The following DACT3 variants were observed in gnomAD, a reference collection of about 807,000 sequenced individuals.
DACT3 encodes dapper homolog 3.
In DACT3, 5 loss-of-function variants were observed where a neutral mutation model predicts 19.6. The ratio of observed to expected loss-of-function variants is 0.26; its 90% CI spans 0.13 to 0.54. The LOEUF (loss-of-function observed/expected upper bound fraction) is 0.54. Among genes scored for constraint, DACT3 ranks in the 20% least tolerant of loss-of-function variants. The pLI, the probability that DACT3 is intolerant of heterozygous loss-of-function variation, is 0.95. For missense variants in DACT3, 908 were observed against 927.4 expected (o/e 0.98, Z 0.27); for synonymous variants, 454 against 428.1 (o/e 1.06, Z -0.75).
In DACT3 at chr19:46,648,335, C is replaced by T; in HGVS notation, c.*147G>A. 2 of 1,401,290 alleles carry T rather than the reference C, an allele frequency of 1.4e-6. No homozygotes were observed. The highest frequency in any genetic ancestry group is 4.6e-5 in the East Asian group (2 of 43,412). 86.8% of individuals were successfully genotyped at this position (1,401,290 alleles called of 1,614,324 possible). The stretch of plus-strand genomic sequence containing the variant: ...GGTGGTGGTGGGGGAGCCTTTTCAA[C>T]CAAGACTGTTAGGAGTGGGGAGAGT... On this transcript the variant is annotated 3_prime_UTR_variant, in exon 4 of 4. Coordinates refer to ENST00000391916, the MANE Select transcript of DACT3 (RefSeq NM_145056.3). This position sits in a 1 kb window ranked among gnomAD's most constrained non-coding sequence, Gnocchi z 5.1.
chr19:46,660,439 T>G lies in DACT3; in HGVS notation c.249+377A>C. 1 of 195,392 alleles carries G rather than the reference T, an allele frequency of 5.1e-6. No homozygotes were observed. The highest frequency in any genetic ancestry group is 1.0e-5 in the Non-Finnish European group (1 of 95,866). The allele number at this position is 195,392 out of a possible 1,614,324, so 12.1% of individuals were successfully genotyped here. A position where few individuals can be genotyped will look rare whatever the true frequency, so the allele number is the denominator to read the frequency against. On this transcript the variant is annotated intron_variant, in intron 1 of 3. Coordinates refer to ENST00000391916, the MANE Select transcript of DACT3 (RefSeq NM_145056.3). The surrounding 1 kb of genome is among the most constrained non-coding windows in gnomAD (Gnocchi z 4.9). Reference sequence around the variant, plus strand: ...TCGCTTGCTCTCTCTGAGCCTCAATTTGTTTCTCTGTTAAATGGGGACTAT... The same window carrying G: ...TCGCTTGCTCTCTCTGAGCCTCAATGTGTTTCTCTGTTAAATGGGGACTAT...
At position 46,648,846 on chromosome 19, in the gene DACT3, G is replaced by A. The variant is rs1266235747; in HGVS notation, c.1526C>T (p.Pro509Leu). The change falls in exon 4 of 4, where the codon CCC (proline) becomes CTC (leucine). Residue 509 changes from proline (P) to leucine (L), a missense_variant. Around this residue, in one of 2 missense-constraint regions of DACT3, gnomAD observed 656 missense variants for 601.8 expected, o/e 1.09. Transcript: ENST00000391916. This position sits in a 1 kb window ranked among gnomAD's most constrained non-coding sequence, Gnocchi z 5.1. Reference protein sequence around the residue: ...VPGPGPSPSAPQRRLLYGCAG... With the variant: ...VPGPGPSPSALQRRLLYGCAG... ...GCAGCCGTAAAGCAGACGACGCTGG[G>A]GAGCTGACGGGGACGGGCCGGGGCC... The A allele has an allele frequency of 5.5e-5, 81 of 1,471,800 alleles. No homozygotes were observed. Among genetic ancestry groups the A allele is most frequent in the Non-Finnish European group, 7.2e-5 (81 of 1,121,564 alleles). The allele number at this position is 1,471,800 out of a possible 1,614,324, so 91.2% of individuals were successfully genotyped here. A position where few individuals can be genotyped will look rare whatever the true frequency, so the allele number is the denominator to read the frequency against.
intron 1 of DACT3, among the ~76,000 whole-genome samples, chr19:46,659,807 G>C (rs555419490): frequency 4.3e-4 from 66 of 152,288 alleles, no homozygotes; most frequent in Admixed American, 7.8e-4. Context: ...TGCGGGCTGG[G>C]GGGAGGGGAA....
chr19:46,657,500 C>T (rs2053041895), intron 1 of DACT3, among the ~76,000 whole-genome samples: 1 of 151,378 alleles, frequency 6.6e-6, no homozygotes, highest in African/African-American at 2.4e-5. Flanking sequence ...ACTACAGGTG[C>T]CCGCCACCAC....
Position 46,649,333 on chromosome 19 carries a change from C to CG in DACT3, c.1038dup (p.Asp347ArgfsTer5). 3 of 1,230,664 alleles carry CG rather than the reference C, an allele frequency of 2.4e-6. No homozygotes were observed. The highest frequency in any genetic ancestry group is 4.7e-5 in the South Asian group (2 of 42,198). 76.2% of individuals were successfully genotyped at this position (1,230,664 alleles called of 1,614,324 possible). On this transcript the variant is annotated frameshift_variant, in exon 4 of 4. Transcript: ENST00000391916. LOFTEE classifies it low-confidence loss of function (END_TRUNC). ...ACCAAGCGGCCCTCAGCCGGGCTGTCGGGGGGTGAGGGGGCGGCGGGCGGC... is the reference window on the plus strand; with the variant it reads ...ACCAAGCGGCCCTCAGCCGGGCTGTCGGGGGGGTGAGGGGGCGGCGGGCGGC...
At chr19:46,656,201 CACCACACTTGGCT>C (rs1440553192) in intron 1 of DACT3, among the ~76,000 whole-genome samples, 1 of 151,430 alleles carries the variant, frequency 6.6e-6, no homozygotes, top group Non-Finnish European at 1.5e-5. Context: ...AAGCATGTCC[CACCACACTTGGCT>C]AATTTTTGTG....
chr19:46,655,012 G>A (rs1427993623), intron 1 of DACT3: 1 of 985,236 alleles, frequency 1.0e-6, no homozygotes, highest in Non-Finnish European at 1.2e-6. Flanking sequence ...GCTGAATTGT[G>A]CAGCATCAGG....
chr19:46,657,645 G>A (rs1405280860), intron 1 of DACT3, among the ~76,000 whole-genome samples: 1 of 151,626 alleles, frequency 6.6e-6, no homozygotes, highest in African/African-American at 2.4e-5. Context: ...GAGCCACCGC[G>A]CCCGGCCAAT....
At chr19:46,658,039 G>A (rs1189564458) in intron 1 of DACT3, among the ~76,000 whole-genome samples, 2 of 151,992 alleles carry the variant, frequency 1.3e-5, no homozygotes, top group African/African-American at 4.8e-5. Flanking sequence ...GTTGCAGTGA[G>A]CAGAGATTGT....
At chr19:46,657,565 A>G (rs2053042476) in intron 1 of DACT3, among the ~76,000 whole-genome samples, 6 of 151,024 alleles carry the variant, frequency 4.0e-5, no homozygotes, top group Admixed American at 6.6e-5. Flanking sequence ...ACGTTAGCCA[A>G]GATGGTCTCA....
intron 2 of DACT3, 58 bp from the exon 3 acceptor site, chr19:46,652,870 T>G (rs1182539123): frequency 1.3e-6 from 2 of 1,539,762 alleles, no homozygotes; most frequent in South Asian, 2.4e-5. Flanking sequence ...AAACCAGAGC[T>G]GGGGAAAGGA....
intron 1 of DACT3, among the ~76,000 whole-genome samples, chr19:46,656,056 TA>T (rs1038650772): frequency 1.0e-4 from 13 of 127,816 alleles, no homozygotes; most frequent in Admixed American, 8.4e-4. Flanking sequence ...TTTATTTATT[TA>T]TTTATTTATT....
chr19:46,661,038 C>G lies in DACT3; in HGVS notation c.27G>C (p.Val9=). MIRAFSFP[V]SPERGRLRGW... Reference sequence around the variant, plus strand: ...CCCGCAGCCGGCCCCGCTCAGGGCTCACCGGGAACGAGAAGGCCCGGATCA... The same window carrying G: ...CCCGCAGCCGGCCCCGCTCAGGGCTGACCGGGAACGAGAAGGCCCGGATCA... The change falls in exon 1 of 4, where the codon GTG becomes GTC. Residue 9 remains valine (V), a synonymous_variant. Coordinates refer to ENST00000391916, the MANE Select transcript of DACT3 (RefSeq NM_145056.3). 1 of 1,515,200 alleles carries G rather than the reference C, an allele frequency of 6.6e-7. No individual in the cohort carries two copies. The highest frequency in any genetic ancestry group is 1.2e-5 in the South Asian group (1 of 81,030). The allele number at this position is 1,515,200 out of a possible 1,614,324, so 93.9% of individuals were successfully genotyped here.
rs1232584660 is a variant in DACT3, at chr19:46,649,551, C to G, written c.821G>C (p.Gly274Ala). 3 of 1,049,130 alleles carry G rather than the reference C, an allele frequency of 2.9e-6. No individual in the cohort carries two copies. Among genetic ancestry groups the G allele is most frequent in the Middle Eastern group, 8.8e-4 (2 of 2,278 alleles). The allele number at this position is 1,049,130 out of a possible 1,614,324, so 65.0% of individuals were successfully genotyped here. Residue 274 changes from glycine (G) to alanine (A), a missense_variant, in exon 4 of 4, where the codon GGC becomes GCC. This residue lies in a region of DACT3 where 656 missense variants were observed against 601.8 expected (regional missense o/e 1.09). Coordinates refer to ENST00000391916, the MANE Select transcript of DACT3 (RefSeq NM_145056.3). ...GAGQPRTSPG[G>A]ADGGPRRQNS... ...CTGGCGCCGCGGGCCGCCGTCCGCG[C>G]CCCCGGGACTGGTCCGGGGCTGGCC... is the stretch of plus-strand genomic sequence containing the variant.
intron 1 of DACT3, chr19:46,659,306 G>C (rs1441093645): frequency 8.3e-6 from 8 of 961,078 alleles, no homozygotes; most frequent in African/African-American, 1.8e-5. Context: ...GGGGGAGGAG[G>C]GGACAGAGGG....
rs1408445263 is a variant in DACT3 at position 46,648,621 on chromosome 19, G to A, written c.1751C>T (p.Ala584Val). ...TGCACCTGCTCCACCCCCAGAGGCCGCGGTGGCCGCCACCAGCTGCTGCGG... is the reference window on the plus strand; with the variant it reads ...TGCACCTGCTCCACCCCCAGAGGCCACGGTGGCCGCCACCAGCTGCTGCGG... ...VWPQQLVAAT[A>V]ASGGGAGAGA... Residue 584 changes from alanine to valine, a missense_variant, in exon 4 of 4, where the codon GCG becomes GTG. Physicochemically the swap from Ala to Val is moderately conservative, Grantham distance 64 (BLOSUM62 0). Transcript: ENST00000391916. The surrounding 1 kb of genome is among the most constrained non-coding windows in gnomAD (Gnocchi z 5.1). The A allele has an allele frequency of 6.2e-6, 10 of 1,612,842 alleles. No individual in the cohort carries two copies. The highest frequency in any genetic ancestry group is 8.5e-6 in the Non-Finnish European group (10 of 1,179,564).
chr19:46,648,235 G>C lies in DACT3; in HGVS notation c.*247C>G. On this transcript the variant is annotated 3_prime_UTR_variant, in exon 4 of 4. Coordinates refer to ENST00000391916, the MANE Select transcript of DACT3 (RefSeq NM_145056.3). The surrounding 1 kb of genome is among the most constrained non-coding windows in gnomAD (Gnocchi z 5.1). ...GATGAGGAAAGTGACGCCCAGAGAAGGGGAACTGTCTTGCCCAAGGGCTTC... is the reference window on the plus strand; with the variant it reads ...GATGAGGAAAGTGACGCCCAGAGAACGGGAACTGTCTTGCCCAAGGGCTTC... 1.7e-6 allele frequency: 1 copy of C among 583,716 alleles called. No homozygotes were observed. The highest frequency in any genetic ancestry group is 3.0e-6 in the Non-Finnish European group (1 of 331,738). 36.2% of individuals were successfully genotyped at this position (583,716 alleles called of 1,614,324 possible).
chr19:46,660,522 T>C lies in DACT3; in HGVS notation c.249+294A>G, dbSNP rs1423386733. On this transcript the variant is annotated intron_variant, in intron 1 of 3. Transcript: ENST00000391916. The surrounding 1 kb of genome is among the most constrained non-coding windows in gnomAD (Gnocchi z 4.9). ...CCTGCAAAGTACCCGGTCTCGGGTT[T>C]GACACATACTTGGCGCCCACAAGGA... 4.9e-6 allele frequency: 2 copies of C among 411,652 alleles called. No homozygotes were observed. Among genetic ancestry groups the C allele is most frequent in the African/African-American group, 4.2e-5 (2 of 47,958 alleles). 25.5% of individuals were successfully genotyped at this position (411,652 alleles called of 1,614,324 possible). A position where few individuals can be genotyped will look rare whatever the true frequency, so the allele number is the denominator to read the frequency against.
chr19:46,649,367 C>T lies in DACT3; in HGVS notation c.1005G>A (p.Glu335=). ...ASSWESEAAP[E]PAAPPAAPSP... is the part of the protein sequence containing the mutation. ...AGGGGGCGGCGGGCGGCGCAGCGGG[C>T]TCGGGTGCCGCCTCCGACTCCCACG... The change falls in exon 4 of 4, where the codon GAG becomes GAA. Residue 335 remains glutamate (E), a synonymous_variant. Transcript: ENST00000391916. The T allele has an allele frequency of 7.9e-7, 1 of 1,265,446 alleles. No individual in the cohort carries two copies. The highest frequency in any genetic ancestry group is 1.6e-5 in the African/African-American group (1 of 63,010). 78.4% of individuals were successfully genotyped at this position (1,265,446 alleles called of 1,614,324 possible).
Sources: allele counts gnomAD v4.1 joint callset (sites outside exome capture counted in the v4.1 genomes callset), GRCh38; gene constraint gnomAD v4.1.1; regional missense constraint gnomAD v4.1.1; non-coding constraint Gnocchi (gnomAD v3.1); transcripts MANE v1.5; gene names NCBI Gene and HGNC (gene_info 2026-07-23, HGNC 2026-07-21).